LCORL: variants seen among roughly 807,000 people sequenced by gnomAD.
LCORL encodes ligand-dependent nuclear receptor corepressor-like protein.
LCORL carries 41 observed loss-of-function variants against 141.8 expected under a neutral mutation model. The observed-to-expected ratio is 0.29, with a 90% confidence interval of 0.23 to 0.38. The LOEUF (loss-of-function observed/expected upper bound fraction) is 0.38, where lower values mean the gene tolerates loss of function less well. LCORL is among the 10% of genes least tolerant of loss of function. The pLI, the probability that LCORL is intolerant of heterozygous loss-of-function variation, is 1.00. For missense variants in LCORL, 1,759 were observed against 2,035.0 expected, an observed-to-expected ratio of 0.86 and a Z score of 2.61; for synonymous variants, 618 against 694.1, an observed-to-expected ratio of 0.89 and a Z score of 1.72.
rs557381425 is a variant in LCORL, at chr4:17,859,594, T to C, written c.5603-13693A>G. On this transcript the variant is annotated intron_variant, in intron 7 of 7. Transcript: ENST00000635767. Reference sequence around the variant, plus strand: ...AATGAGGAGCACTAGAAATGATAAATTCATGGGGAAAATACTTATTTTCCT... The same window carrying C: ...AATGAGGAGCACTAGAAATGATAAACTCATGGGGAAAATACTTATTTTCCT... 1.2e-4 allele frequency among the ~76,000 whole-genome samples: 18 copies of C among 152,184 alleles called. 1 individual carries two copies. The South Asian group carries it at 3.5e-3, about 30-fold the overall frequency.
chr4:17,914,451 G>C (rs1329036453), intron 4 of LCORL, among the ~76,000 whole-genome samples: 1 of 152,138 alleles, frequency 6.6e-6, no homozygotes, highest in Admixed American at 6.5e-5. Flanking sequence ...ACAATACATA[G>C]TGCTACTCTG....
At position 17,884,109 on chromosome 4, in the gene LCORL, T is replaced by C. The variant is rs1727964086; in HGVS notation, c.776+1959A>G. On this transcript the variant is annotated intron_variant, in intron 6 of 7. Coordinates refer to ENST00000635767, the Ensembl canonical transcript of LCORL. The surrounding 1 kb of genome is among the most constrained non-coding windows in gnomAD (Gnocchi z 4.4). ...CCATGTAGAAAGTAAGAGTCAACAC[T>C]TGAGTGAGTTACAGGCCCAGAACAT... is the stretch of plus-strand genomic sequence containing the variant. 3 of 1,550,734 alleles carry C rather than the reference T, an allele frequency of 1.9e-6. No homozygotes were observed. The highest frequency in any genetic ancestry group is 2.6e-6 in the Non-Finnish European group (3 of 1,146,358).
chr4:17,956,140 T>C (rs1161515459), intron 4 of LCORL, among the ~76,000 whole-genome samples: 5 of 152,048 alleles, frequency 3.3e-5, no homozygotes, highest in African/African-American at 1.2e-4. Flanking sequence ...GACTGGGTAT[T>C]ATAAAAAAGA....
intron 3 of LCORL, among the ~76,000 whole-genome samples, chr4:17,962,255 CA>C (rs369162765): frequency 0.035 from 3,953 of 114,516 alleles, 47 homozygotes; most frequent in Middle Eastern, 0.055. Flanking sequence ...AAACTACAGT[CA>C]AAAAAAAAAA....
rs145583650 is a variant in LCORL, at chr4:17,946,078, T to C, written c.430+15825A>G. On this transcript the variant is annotated intron_variant, in intron 4 of 7. Coordinates refer to ENST00000635767, the Ensembl canonical transcript of LCORL. ...ACGGCATCCTCTAACACAAAATTTG[T>C]GGCAGGAAAACTGCATATGTAAACA... Among the ~76,000 whole-genome samples, 396 of 152,112 alleles carry C rather than the reference T, an allele frequency of 2.6e-3. 3 individuals are homozygous for C. The highest frequency in any genetic ancestry group is 8.9e-3 in the African/African-American group (369 of 41,544).
chr4:17,981,839 T>C (rs1356944767), intron 1 of LCORL, among the ~76,000 whole-genome samples: 2 of 152,144 alleles, frequency 1.3e-5, no homozygotes, highest in East Asian at 3.9e-4. Context: ...GACTATTTCA[T>C]CACCTGGGTA....
Position 17,986,570 on chromosome 4 carries a change from T to C in LCORL, c.155-13685A>G, listed in dbSNP as rs182531307. ...CTGCTGTTACTACTTATGATTGCAT[T>C]GTGATATTCTTGTAGTGTGTTTTTC... On this transcript the variant is annotated intron_variant, in intron 1 of 7. Coordinates refer to ENST00000635767, the Ensembl canonical transcript of LCORL. 1.0e-3 allele frequency among the ~76,000 whole-genome samples: 154 copies of C among 152,300 alleles called. 1 individual carries two copies. The highest frequency in any genetic ancestry group is 2.0e-3 in the Admixed American group (30 of 15,300).
chr4:17,929,333 G>C (rs922388469), intron 4 of LCORL, among the ~76,000 whole-genome samples: 9 of 152,024 alleles, frequency 5.9e-5, no homozygotes, highest in African/African-American at 2.2e-4. Flanking sequence ...AAATAATCTC[G>C]AAAGAGAACA....
exon 7 of LCORL, chr4:17,875,130 G>A: frequency 8.1e-7 from 1 of 1,233,070 alleles, no homozygotes; most frequent in East Asian, 3.2e-5. Context: ...ATTTTTTCCT[G>A]ACGTATTATC....
rs535658938 is a variant in LCORL, at chr4:17,953,428, T to C, written c.430+8475A>G. Among the ~76,000 whole-genome samples the C allele has an allele frequency of 4.6e-5, 7 of 152,240 alleles. No individual in the cohort carries two copies. The South Asian group carries it at 1.5e-3, about 32-fold the overall frequency. On this transcript the variant is annotated intron_variant, in intron 4 of 7. Coordinates refer to ENST00000635767, the Ensembl canonical transcript of LCORL. ...CATCTGTTCCCCTCAAATTTAAACA[T>C]TTACCCCAAAGGATATTAGGGATGT...
chr4:17,857,203 CT>C (rs1274332399), intron 7 of LCORL, among the ~76,000 whole-genome samples: 1 of 151,628 alleles, frequency 6.6e-6, no homozygotes, highest in Non-Finnish European at 1.5e-5. Context: ...GAGACAGTGA[CT>C]GGAGTTCACG....
chr4:17,843,293 T>G (rs1722604944), exon 8 of LCORL: 1 of 1,608,446 alleles, frequency 6.2e-7, no homozygotes, highest in African/African-American at 1.3e-5. Flanking sequence ...ATTTTCAACA[T>G]CTATTTAGTG....
At chr4:18,010,386 ATG>A (rs752687793) in intron 1 of LCORL, among the ~76,000 whole-genome samples, 1 of 142,880 alleles carries the variant, frequency 7.0e-6, no homozygotes, top group South Asian at 2.3e-4. Context: ...ACATATATAT[ATG>A]TGTGTGTGTC....
rs201675249 is a variant in LCORL at position 18,001,298 on chromosome 4, ATAGT to A, written c.154+20296_154+20299del. ...ATATACCTGGCATAAGTATTAATAG[ATAGT>A]CAATAAAAGCTGCTATTATTACCAT... On this transcript the variant is annotated intron_variant, in intron 1 of 7. Transcript: ENST00000635767. Among the ~76,000 whole-genome samples, 660 of 99,572 alleles carry A rather than the reference ATAGT, an allele frequency of 6.6e-3. 4 individuals are homozygous for A. Among genetic ancestry groups the A allele is most frequent in the African/African-American group, 0.034 (633 of 18,362 alleles). The allele number at this position is 99,572 out of a possible 152,430, so 65.3% of individuals were successfully genotyped here.
intron 2 of LCORL, among the ~76,000 whole-genome samples, chr4:17,969,810 T>C (rs1715590802): frequency 6.6e-6 from 1 of 152,082 alleles, no homozygotes; most frequent in African/African-American, 2.4e-5. Flanking sequence ...TGCAAAACTA[T>C]GTTAAAATAA....
exon 7 of LCORL, chr4:17,873,592 C>G (rs1166002344): frequency 2.4e-6 from 3 of 1,233,688 alleles, no homozygotes; most frequent in African/African-American, 1.6e-5. Flanking sequence ...AATTCATCAG[C>G]TGAAGGATTA....
intron 4 of LCORL, chr4:17,913,017 C>A: frequency 1.2e-5 from 3 of 258,216 alleles, no homozygotes; most frequent in Admixed American, 4.4e-5. Flanking sequence ...AGGAGGAGGC[C>A]AATAAAAAGT....
intron 7 of LCORL, among the ~76,000 whole-genome samples, chr4:17,858,951 A>G (rs1268301340): frequency 6.6e-6 from 1 of 152,160 alleles, no homozygotes; most frequent in Non-Finnish European, 1.5e-5. Context: ...AAATATAAGA[A>G]TGCCATACCC....
intron 7 of LCORL, among the ~76,000 whole-genome samples, chr4:17,855,199 T>C (rs1391710846): frequency 6.6e-6 from 1 of 152,286 alleles, no homozygotes; most frequent in African/African-American, 2.4e-5. Context: ...TGCACTGTTA[T>C]GCAACTTAGA....
Sources: allele counts gnomAD v4.1 joint callset (sites outside exome capture counted in the v4.1 genomes callset), GRCh38; gene constraint gnomAD v4.1.1; non-coding constraint Gnocchi (gnomAD v3.1); transcripts MANE v1.5; gene names NCBI Gene and HGNC (gene_info 2026-07-23, HGNC 2026-07-21).